The following DCDC2 variants were observed in gnomAD, a reference collection of about 807,000 sequenced individuals.
DCDC2 encodes the protein doublecortin domain-containing protein 2.
A neutral mutation model predicts 50.2 loss-of-function variants in DCDC2; 40 were observed. That is an observed-to-expected ratio of 0.80 (90% CI 0.62 to 1.04). The LOEUF is 1.04. Among genes scored for constraint, DCDC2 ranks in the 50% least tolerant of loss-of-function variants. The pLI, the probability that DCDC2 is intolerant of heterozygous loss-of-function variation, is 0.00. For synonymous variants in DCDC2, 234 were observed against 210.6 expected (o/e 1.11, Z -0.96); for missense variants, 570 against 581.9 (o/e 0.98, Z 0.21).
chr6:24,298,803 C>T (rs949578813), intron 4 of DCDC2, among the ~76,000 whole-genome samples: 25 of 152,054 alleles, frequency 1.6e-4, no homozygotes, highest in African/African-American at 3.1e-4. Flanking sequence ...CATAGACTTC[C>T]GGTGAAAATA....
In DCDC2 at chr6:24,252,129, C is replaced by T. The variant is rs376199732; in HGVS notation, c.922+25920G>A. Among the ~76,000 whole-genome samples the T allele has an allele frequency of 6.6e-5, 10 of 152,282 alleles. 1 individual carries two copies. The South Asian group carries it at 1.9e-3, about 28-fold the overall frequency. ...GCTTTCCTGCCTCTGGATTTTTATTCTGGCAAATTCCCTATTTCCCATCTT... is the reference window on the plus strand; with the variant it reads ...GCTTTCCTGCCTCTGGATTTTTATTTTGGCAAATTCCCTATTTCCCATCTT... On this transcript the variant is annotated intron_variant, in intron 7 of 9. Coordinates refer to ENST00000378454, the MANE Select transcript of DCDC2 (RefSeq NM_016356.5).
chr6:24,316,287 C>T (rs1759658376), intron 2 of DCDC2, among the ~76,000 whole-genome samples: 1 of 151,994 alleles, frequency 6.6e-6, no homozygotes, highest in Admixed American at 6.6e-5. Context: ...GAGTAGAAAG[C>T]AAAGAAAATG....
At chr6:24,188,136 CA>C in intron 8 of DCDC2, among the ~76,000 whole-genome samples, 1 of 152,202 alleles carries the variant, frequency 6.6e-6, no homozygotes, top group Non-Finnish European at 1.5e-5. Flanking sequence ...TTGTCAAATG[CA>C]AAGTGTGAGT....
At chr6:24,373,256 C>T in the DCDC2 span, among the ~76,000 whole-genome samples, 1 of 152,236 alleles carries the variant, frequency 6.6e-6, no homozygotes, top group Non-Finnish European at 1.5e-5. Flanking sequence ...CCTAGGGAAA[C>T]TCCTGCACAT....
chr6:24,382,997 G>T, the DCDC2 span, among the ~76,000 whole-genome samples: 6 of 152,104 alleles, frequency 3.9e-5, no homozygotes, highest in Non-Finnish European at 7.4e-5. Context: ...AATGTCTTAA[G>T]TCACCGTGAA....
chr6:24,336,339 G>A (rs1234407345), intron 2 of DCDC2, among the ~76,000 whole-genome samples: 2 of 151,526 alleles, frequency 1.3e-5, no homozygotes, highest in Admixed American at 6.6e-5. Flanking sequence ...TCCACTTATT[G>A]CAAGGAAAAC....
At chr6:24,183,378 G>A (rs527307316) in intron 8 of DCDC2, among the ~76,000 whole-genome samples, 7 of 152,342 alleles carry the variant, frequency 4.6e-5, no homozygotes, top group South Asian at 4.1e-4. Flanking sequence ...ATTCTGCATC[G>A]CTGAAGAGCA....
intron 2 of DCDC2, among the ~76,000 whole-genome samples, chr6:24,328,243 CAACTGAGGATTTTA>C (rs1759908584): frequency 6.6e-6 from 1 of 152,194 alleles, no homozygotes; most frequent in Non-Finnish European, 1.5e-5. Context: ...GAGTTGTTGA[CAACTGAGGATTTTA>C]AAGTGGATTC....
At chr6:24,345,333 T>A (rs1177206367) in intron 2 of DCDC2, among the ~76,000 whole-genome samples, 1 of 152,180 alleles carries the variant, frequency 6.6e-6, no homozygotes, top group African/African-American at 2.4e-5. Flanking sequence ...TGCCTAATGA[T>A]TAAACTGAAA....
At chr6:24,194,015 T>TA (rs1761367936) in intron 8 of DCDC2, among the ~76,000 whole-genome samples, 1 of 152,106 alleles carries the variant, frequency 6.6e-6, no homozygotes, top group Non-Finnish European at 1.5e-5. Context: ...AAATCATTTT[T>TA]AAAATAATTT....
At chr6:24,320,337 T>C in intron 2 of DCDC2, among the ~76,000 whole-genome samples, 1 of 152,110 alleles carries the variant, frequency 6.6e-6, no homozygotes, top group East Asian at 1.9e-4. Context: ...GTTTGTTTTG[T>C]GGGGGGTGGG....
the DCDC2 span, among the ~76,000 whole-genome samples, chr6:24,380,878 A>G: frequency 7.9e-5 from 12 of 152,154 alleles, no homozygotes; most frequent in African/African-American, 2.9e-4. Flanking sequence ...GAGCCCAGGA[A>G]TTCAAGACCA....
intron 8 of DCDC2, among the ~76,000 whole-genome samples, chr6:24,189,633 T>C (rs752981913): frequency 1.3e-5 from 2 of 152,190 alleles, no homozygotes; most frequent in Non-Finnish European, 2.9e-5. Context: ...TATACTATCA[T>C]AAATAACAGC....
chr6:24,176,605 C>T (rs1328702813), intron 9 of DCDC2, among the ~76,000 whole-genome samples: 2 of 152,190 alleles, frequency 1.3e-5, no homozygotes, highest in Admixed American at 1.3e-4. Context: ...ACCTCACATA[C>T]TTATCTTTTG....
chr6:24,226,345 T>C (rs564155169), intron 7 of DCDC2, among the ~76,000 whole-genome samples: 1 of 152,346 alleles, frequency 6.6e-6, no homozygotes, highest in Admixed American at 6.5e-5. Context: ...AAAAGAATGA[T>C]TCTTTCTAAG....
chr6:24,270,774 C>T (rs894519395), intron 7 of DCDC2, among the ~76,000 whole-genome samples: 2 of 152,218 alleles, frequency 1.3e-5, no homozygotes, highest in Admixed American at 1.3e-4. Flanking sequence ...ACCAAGCCCC[C>T]ATGTGGCCCT....
rs1378666487 is a variant in DCDC2 at position 24,357,576 on chromosome 6, A to G, written c.175T>C (p.Phe59Leu). The G allele has an allele frequency of 6.8e-6, 11 of 1,613,066 alleles. No homozygotes were observed. Among genetic ancestry groups the G allele is most frequent in the Non-Finnish European group, 9.3e-6 (11 of 1,179,944 alleles). Reference sequence around the variant, plus strand: ...GTGTAGATGTTCCTGACGGCCCCAAAGGGTGCCTGAACGCCGCCGGTCACC... The same window carrying G: ...GTGTAGATGTTCCTGACGGCCCCAAGGGGTGCCTGAACGCCGCCGGTCACC... ...KEVTGGVQAPFGAVRNIYTPR... is the reference protein window; with the variant it reads ...KEVTGGVQAPLGAVRNIYTPR... Residue 59 changes from phenylalanine to leucine, a missense_variant, in exon 1 of 10, where the codon TTT (phenylalanine) becomes CTT (leucine). Coordinates refer to ENST00000378454, the MANE Select transcript of DCDC2 (RefSeq NM_016356.5).
chr6:24,183,092 G>A (rs796828902), intron 8 of DCDC2, among the ~76,000 whole-genome samples: 8 of 152,290 alleles, frequency 5.3e-5, no homozygotes, highest in African/African-American at 1.4e-4. Context: ...TATGTAGTCA[G>A]AATCATAGAG....
chr6:24,341,038 T>C (rs569958977), intron 2 of DCDC2, among the ~76,000 whole-genome samples: 1 of 152,292 alleles, frequency 6.6e-6, no homozygotes, highest in African/African-American at 2.4e-5. Flanking sequence ...TATCTAAAAA[T>C]TTCTAAAAGT....
Sources: gnomAD v4.1 joint callset for allele counts (sites outside exome capture counted in the v4.1 genomes callset) on GRCh38, gnomAD v4.1.1 for gene constraint, MANE v1.5 for transcripts, NCBI Gene and HGNC (gene_info 2026-07-23, HGNC 2026-07-21) for gene names.